Variants in SLTM observed in about 807,000 individuals in gnomAD.
SLTM encodes the protein SAFB like transcription modulator, also known as SAFB-like transcription modulator.
Under a neutral mutation model 134.6 loss-of-function variants are expected in SLTM, and 43 were observed. The observed-to-expected ratio is 0.32, with a 90% CI of 0.25 to 0.41. The LOEUF (loss-of-function observed/expected upper bound fraction) is 0.41. Among genes scored for constraint, SLTM ranks in the 10% least tolerant of loss-of-function variants. SLTM has a pLI of 1.00. For synonymous variants in SLTM, 424 were observed against 432.3 expected (o/e 0.98, Z 0.24); for missense variants, 1,055 against 1,288.8 (o/e 0.82, Z 2.78).
intron 2 of SLTM, among the ~76,000 whole-genome samples, chr15:58,926,096 C>T (rs893026592): frequency 6.6e-6 from 1 of 152,100 alleles, no homozygotes; most frequent in Admixed American, 6.6e-5. Context: ...GATGCCTGGG[C>T]CCCCAACATA....
At chr15:58,927,289 C>T (rs2037543971) in intron 2 of SLTM, among the ~76,000 whole-genome samples, 1 of 152,014 alleles carries the variant, frequency 6.6e-6, no homozygotes, top group Non-Finnish European at 1.5e-5. Context: ...AACAGATTAT[C>T]TAAAGATGAT....
chr15:58,896,548 G>A (rs943449477), intron 9 of SLTM, among the ~76,000 whole-genome samples: 1 of 151,784 alleles, frequency 6.6e-6, no homozygotes, highest in Middle Eastern at 3.2e-3. Flanking sequence ...GTGACACAGT[G>A]AGACTGTGTC....
chr15:58,902,527 A>G (rs1172163181), intron 5 of SLTM, among the ~76,000 whole-genome samples: 1 of 151,652 alleles, frequency 6.6e-6, no homozygotes, highest in African/African-American at 2.4e-5. Context: ...CTGGGACTAC[A>G]GATGTGTGCC....
At chr15:58,931,376 A>C (rs2037868308) in intron 2 of SLTM, among the ~76,000 whole-genome samples, 2 of 152,352 alleles carry the variant, frequency 1.3e-5, no homozygotes, top group East Asian at 1.9e-4. Flanking sequence ...AGGTGTGCTT[A>C]AGATCAAAAT....
intron 2 of SLTM, among the ~76,000 whole-genome samples, chr15:58,929,664 G>A (rs1245442973): frequency 3.3e-5 from 5 of 152,018 alleles, no homozygotes; most frequent in African/African-American, 7.2e-5. Flanking sequence ...GGACTCAAGC[G>A]ATCCTCCCAC....
chr15:58,914,274 G>A (rs1446621086), intron 3 of SLTM, among the ~76,000 whole-genome samples: 1 of 152,216 alleles, frequency 6.6e-6, no homozygotes, highest in Non-Finnish European at 1.5e-5. Context: ...GTACTTCAGT[G>A]AAAACAAAAT....
At chr15:58,908,155 C>G (rs757683468) in intron 5 of SLTM, among the ~76,000 whole-genome samples, 5 of 151,666 alleles carry the variant, frequency 3.3e-5, no homozygotes, top group Non-Finnish European at 5.9e-5. Flanking sequence ...CTCCTGGACT[C>G]AAGCAATCCT....
At position 58,888,432 on chromosome 15, in the gene SLTM, CCT is replaced by C. The variant is rs773476381; in HGVS notation, c.2326_2327del (p.Arg776GlyfsTer5). ...NRFNDFDHRE[R>X]GRFPESSAVQ... The stretch of plus-strand genomic sequence containing the variant: ...CTGCTGAACTCTCAGGAAACCTGCC[CCT>C]CTCTCGGTGATCAAAGTCATTAAAT... On this transcript the variant is annotated frameshift_variant, in exon 17 of 21. Transcript: ENST00000380516. LOFTEE classifies it high-confidence loss of function. The C allele has an allele frequency of 6.2e-7, 1 of 1,613,078 alleles. No individual in the cohort carries two copies. The highest frequency in any genetic ancestry group is 8.5e-7 in the Non-Finnish European group (1 of 1,179,772).
intron 2 of SLTM, among the ~76,000 whole-genome samples, chr15:58,931,714 T>G (rs2037892852): frequency 6.6e-6 from 1 of 152,232 alleles, no homozygotes; most frequent in Non-Finnish European, 1.5e-5. Flanking sequence ...AGCTAGTCAC[T>G]AAATCATTAT....
At position 58,899,411 on chromosome 15, in the gene SLTM, G is replaced by A. The variant is rs767070957; in HGVS notation, c.1058+58C>T. 7.2e-7 allele frequency: 1 copy of A among 1,383,818 alleles called. No individual in the cohort carries two copies. Among genetic ancestry groups the A allele is most frequent in the South Asian group, 1.2e-5 (1 of 85,114 alleles). 85.7% of individuals were successfully genotyped at this position (1,383,818 alleles called of 1,614,324 possible). ...CTTGAAGCCACCCCCTTAATGTAGA[G>A]TGATCTTATTGAATGCTGGAATTCA... On this transcript the variant is annotated intron_variant, in intron 7 of 20. Coordinates refer to ENST00000380516, the MANE Select transcript of SLTM (RefSeq NM_024755.4). The surrounding 1 kb of genome is among the most constrained non-coding windows in gnomAD (Gnocchi z 5.0).
At chr15:58,915,774 T>C (rs989598726) in intron 3 of SLTM, among the ~76,000 whole-genome samples, 3 of 151,828 alleles carry the variant, frequency 2.0e-5, no homozygotes, top group Non-Finnish European at 4.4e-5. Context: ...GGTGGGTAAA[T>C]GAACATGAGC....
intron 3 of SLTM, chr15:58,916,653 T>G (rs780727052): frequency 4.9e-5 from 12 of 244,236 alleles, no homozygotes; most frequent in Non-Finnish European, 8.7e-5. Context: ...GTATATCAAT[T>G]GTCTCGTAGC....
chr15:58,884,209 A>G (rs962917883), intron 19 of SLTM, among the ~76,000 whole-genome samples: 9 of 152,210 alleles, frequency 5.9e-5, no homozygotes. Flanking sequence ...CTGAGAAGAT[A>G]AAAGGATGAG....
At chr15:58,897,259 TTAAG>T in intron 8 of SLTM, 26 bp from the exon 9 acceptor site, 1 of 1,280,788 alleles carries the variant, frequency 7.8e-7, no homozygotes, top group Non-Finnish European at 1.1e-6. Flanking sequence ...TATCAGATGT[TTAAG>T]TATCTCAATC....
At chr15:58,884,110 A>C (rs967189152) in intron 19 of SLTM, among the ~76,000 whole-genome samples, 1 of 152,010 alleles carries the variant, frequency 6.6e-6, no homozygotes, top group African/African-American at 2.4e-5. Context: ...AAAAAAAAAA[A>C]AAAGGAGAAG....
chr15:58,896,566 G>GA (rs553480395), intron 9 of SLTM, among the ~76,000 whole-genome samples: 93 of 144,360 alleles, frequency 6.4e-4, no homozygotes, highest in Middle Eastern at 3.4e-3. Context: ...GTCTCAAAAA[G>GA]AAAAAAAAAA....
chr15:58,909,956 C>T (rs1182177896), intron 5 of SLTM, among the ~76,000 whole-genome samples: 1 of 152,098 alleles, frequency 6.6e-6, no homozygotes, highest in African/African-American at 2.4e-5. Flanking sequence ...GAAGGGAAAA[C>T]CTCCTAAAAC....
intron 2 of SLTM, among the ~76,000 whole-genome samples, chr15:58,917,818 C>T (rs1345460810): frequency 1.3e-5 from 2 of 152,060 alleles, no homozygotes; most frequent in East Asian, 1.9e-4. Context: ...GGCGCAATCT[C>T]GGCTCACTGT....
intron 5 of SLTM, among the ~76,000 whole-genome samples, chr15:58,903,071 T>C (rs942111508): frequency 1.3e-5 from 2 of 151,892 alleles, no homozygotes; most frequent in East Asian, 3.9e-4. Context: ...CCAGTTAATT[T>C]TTGTATTTTT....
Sources: allele counts gnomAD v4.1 joint callset (sites outside exome capture counted in the v4.1 genomes callset), GRCh38; gene constraint gnomAD v4.1.1; non-coding constraint Gnocchi (gnomAD v3.1); transcripts MANE v1.5; gene names NCBI Gene and HGNC (gene_info 2026-07-23, HGNC 2026-07-21).